CNOT6L: variants seen among roughly 807,000 people sequenced by gnomAD.
The protein encoded by CNOT6L is CCR4-NOT transcription complex subunit 6-like.
CNOT6L carries 7 observed loss-of-function variants against 64.0 expected under a neutral mutation model. That is an observed-to-expected ratio of 0.11 (90% CI 0.06 to 0.21). CNOT6L has a LOEUF of 0.21. Among genes scored for constraint, CNOT6L ranks in the 10% least tolerant of loss-of-function variants. The pLI, the probability that CNOT6L is intolerant of heterozygous loss-of-function variation, is 1.00. For synonymous variants in CNOT6L, 193 were observed against 243.4 expected, an observed-to-expected ratio of 0.79 and a Z score of 1.93; for missense variants, 245 against 669.0, an observed-to-expected ratio of 0.37 and a Z score of 6.99.
chr4:77,732,376 T>C (rs1424052554), intron 8 of CNOT6L, among the ~76,000 whole-genome samples: 1 of 152,118 alleles, frequency 6.6e-6, no homozygotes, highest in Non-Finnish European at 1.5e-5. Flanking sequence ...TTGTGAAATA[T>C]TTATAAGTAA....
intron 7 of CNOT6L, among the ~76,000 whole-genome samples, chr4:77,743,110 T>G (rs1723772793): frequency 6.6e-6 from 1 of 152,166 alleles, no homozygotes; most frequent in Non-Finnish European, 1.5e-5. Context: ...TTACTTAATG[T>G]ATAGAAGAAA....
Position 77,772,898 on chromosome 4 carries a change from G to C in CNOT6L, c.400+183C>G, listed in dbSNP as rs113033564. ...AGATTGCGCCACTGCACTCCAGCCTGGGCGACAGACCAAGACTCCGTCTCA... is the reference window on the plus strand; with the variant it reads ...AGATTGCGCCACTGCACTCCAGCCTCGGCGACAGACCAAGACTCCGTCTCA... On this transcript the variant is annotated intron_variant, in intron 4 of 11. Transcript: ENST00000504123. 5.8e-4 allele frequency among the ~76,000 whole-genome samples: 88 copies of C among 152,242 alleles called. 1 individual carries two copies. Among genetic ancestry groups the C allele is most frequent in the African/African-American group, 2.0e-3 (84 of 41,530 alleles).
At chr4:77,820,154 A>AC (rs1489417870), upstream of CNOT6L, among the ~76,000 whole-genome samples, 4 of 151,484 alleles carry the variant, frequency 2.6e-5, no homozygotes, top group African/African-American at 7.3e-5. Flanking sequence ...ACACGTTCAC[A>AC]CCCCCGAGGG....
chr4:77,780,421 G>A (rs1728726768), intron 1 of CNOT6L, among the ~76,000 whole-genome samples: 1 of 152,130 alleles, frequency 6.6e-6, no homozygotes, highest in African/African-American at 2.4e-5. Flanking sequence ...TGGGAATCCT[G>A]ATTACATAAC....
At chr4:77,721,950 C>G (rs1215996078) in intron 11 of CNOT6L, among the ~76,000 whole-genome samples, 2 of 150,014 alleles carry the variant, frequency 1.3e-5, no homozygotes, top group Non-Finnish European at 3.0e-5. Context: ...TGGCTGACAG[C>G]AAGACTCTGT....
intron 11 of CNOT6L, among the ~76,000 whole-genome samples, chr4:77,723,244 T>C (rs1721480585): frequency 6.6e-6 from 1 of 152,182 alleles, no homozygotes. Context: ...CTTCTAATTG[T>C]TTACCCTTCA....
intron 1 of CNOT6L, among the ~76,000 whole-genome samples, chr4:77,807,517 A>G (rs1199363804): frequency 6.6e-6 from 1 of 152,204 alleles, no homozygotes; most frequent in Admixed American, 6.5e-5. Context: ...AGCAAGGACT[A>G]CAAGTACCAA....
intron 1 of CNOT6L, among the ~76,000 whole-genome samples, chr4:77,799,870 TG>T (rs975267767): frequency 6.6e-6 from 1 of 152,166 alleles, no homozygotes; most frequent in African/African-American, 2.4e-5. Context: ...TGTTTTAATG[TG>T]GAAAAAAACT....
rs60558607 is a variant in CNOT6L, at chr4:77,766,605, ATTTGCAGACAAGTTTT to A, written c.400+6460_400+6475del. ...ATTACTGCATGTAAAACTCCAAAAAATTTGCAGACAAGTTTTTAGAAGAATGAGAGTTTAGCCAAGA... is the reference window on the plus strand; with the variant it reads ...ATTACTGCATGTAAAACTCCAAAAAATAGAAGAATGAGAGTTTAGCCAAGA... On this transcript the variant is annotated intron_variant, in intron 4 of 11. Coordinates refer to ENST00000504123, the MANE Select transcript of CNOT6L (RefSeq NM_144571.3). 5.5e-4 allele frequency among the ~76,000 whole-genome samples: 84 copies of A among 152,108 alleles called. 1 individual carries two copies. Among genetic ancestry groups the A allele is most frequent in the African/African-American group, 1.9e-3 (80 of 41,560 alleles).
intron 8 of CNOT6L, among the ~76,000 whole-genome samples, chr4:77,734,481 T>C (rs545300100): frequency 1.3e-5 from 2 of 152,302 alleles, no homozygotes; most frequent in East Asian, 3.9e-4. Flanking sequence ...TTCACCATAA[T>C]TTATTTAACC....
intron 6 of CNOT6L, 32 bp from the exon 7 acceptor site, chr4:77,744,907 C>T (rs760003560): frequency 1.5e-5 from 24 of 1,569,802 alleles, no homozygotes; most frequent in Admixed American, 3.9e-5. Flanking sequence ...AACAGACAAA[C>T]GGGAGAAAAT....
At position 77,760,860 on chromosome 4, in the gene CNOT6L, C is replaced by CTTTTTTTTT. The variant is rs754195745; in HGVS notation, c.401-3918_401-3910dup. On this transcript the variant is annotated intron_variant, in intron 4 of 11. Coordinates refer to ENST00000504123, the MANE Select transcript of CNOT6L (RefSeq NM_144571.3). ...TACAGGTGCACACCACCATGCCTGG[C>CTTTTTTTTT]TTTTTTTTTTTTTTTTTTTTTTTTT... Among the ~76,000 whole-genome samples the CTTTTTTTTT allele has an allele frequency of 4.2e-3, 127 of 29,984 alleles. 32 individuals carry two copies. Among genetic ancestry groups the CTTTTTTTTT allele is most frequent in the Non-Finnish European group, 5.4e-3 (95 of 17,604 alleles). The allele number at this position is 29,984 out of a possible 152,430, so 19.7% of individuals were successfully genotyped here. A position where few individuals can be genotyped will look rare whatever the true frequency, so the allele number is the denominator to read the frequency against.
intron 8 of CNOT6L, among the ~76,000 whole-genome samples, chr4:77,739,083 G>C (rs1723296555): frequency 6.6e-6 from 1 of 152,154 alleles, no homozygotes; most frequent in South Asian, 2.1e-4. Context: ...CTAATTATCT[G>C]AATATTGGTA....
At chr4:77,817,842 T>C (rs1020095335) in intron 1 of CNOT6L, among the ~76,000 whole-genome samples, 1 of 152,234 alleles carries the variant, frequency 6.6e-6, no homozygotes, top group Non-Finnish European at 1.5e-5. Context: ...GGATCGAAAC[T>C]GTATTATGCT....
chr4:77,736,780 A>C (rs1406753683), intron 8 of CNOT6L, among the ~76,000 whole-genome samples: 4 of 152,144 alleles, frequency 2.6e-5, no homozygotes, highest in African/African-American at 9.7e-5. Flanking sequence ...ATTCCTGATG[A>C]TATTTTATTC....
intron 8 of CNOT6L, among the ~76,000 whole-genome samples, chr4:77,736,498 C>T (rs2109915776): frequency 6.6e-6 from 1 of 151,868 alleles, no homozygotes; most frequent in Admixed American, 6.6e-5. Context: ...TTCTTGCATT[C>T]CCTTCCCATA....
At chr4:77,728,061 T>C (rs1244244054) in intron 10 of CNOT6L, among the ~76,000 whole-genome samples, 1 of 152,208 alleles carries the variant, frequency 6.6e-6, no homozygotes, top group Admixed American at 6.5e-5. Flanking sequence ...GTTTTCCATT[T>C]GATACCTAAA....
At chr4:77,796,417 A>C (rs1351383719) in intron 1 of CNOT6L, among the ~76,000 whole-genome samples, 1 of 151,942 alleles carries the variant, frequency 6.6e-6, no homozygotes, top group Non-Finnish European at 1.5e-5. Context: ...TGTGATAGTG[A>C]GTTCTCATTA....
chr4:77,786,887 A>G (rs1170550690), intron 1 of CNOT6L, among the ~76,000 whole-genome samples: 3 of 152,246 alleles, frequency 2.0e-5, no homozygotes, highest in Non-Finnish European at 4.4e-5. Flanking sequence ...AAAGATAGAA[A>G]GCTTCAAAAA....
Sources: allele counts gnomAD v4.1 joint callset (sites outside exome capture counted in the v4.1 genomes callset), GRCh38; gene constraint gnomAD v4.1.1; transcripts MANE v1.5; gene names NCBI Gene and HGNC (gene_info 2026-07-23, HGNC 2026-07-21).